The following DLG2 variants were observed in gnomAD, a reference collection of about 807,000 sequenced individuals.
The protein encoded by DLG2 is discs large MAGUK scaffold protein 2, also known as disks large homolog 2.
Under a neutral mutation model 132.5 loss-of-function variants are expected in DLG2, and 45 were observed. The observed-to-expected ratio is 0.34, with a 90% CI of 0.27 to 0.44. DLG2 has a LOEUF of 0.44. DLG2 is among the 20% of genes least tolerant of loss of function. The pLI, the probability that DLG2 is intolerant of heterozygous loss-of-function variation, is 1.00. For missense variants in DLG2, 1,045 were observed against 1,196.9 expected, an observed-to-expected ratio of 0.87 and a Z score of 1.87; for synonymous variants, 424 against 419.6, an observed-to-expected ratio of 1.01 and a Z score of -0.13.
At chr11:84,215,145 T>G (rs2096819518) in intron 8 of DLG2, among the ~76,000 whole-genome samples, 1 of 152,218 alleles carries the variant, frequency 6.6e-6, no homozygotes, top group Non-Finnish European at 1.5e-5. Context: ...AGCATGTACC[T>G]GTTTTAGTTG....
At chr11:84,538,774 C>A (rs748825595) in intron 6 of DLG2, among the ~76,000 whole-genome samples, 1 of 152,094 alleles carries the variant, frequency 6.6e-6, no homozygotes, top group South Asian at 2.1e-4. Flanking sequence ...AGGGAGTCAT[C>A]CAAGAGACCG....
At chr11:85,582,151 G>C (rs2078567223) in intron 3 of DLG2, among the ~76,000 whole-genome samples, 1 of 152,188 alleles carries the variant, frequency 6.6e-6, no homozygotes, top group Non-Finnish European at 1.5e-5. Context: ...AGTAATCACA[G>C]TAATGAACCA....
intron 11 of DLG2, among the ~76,000 whole-genome samples, chr11:83,999,234 G>A (rs2094205347): frequency 6.6e-6 from 1 of 152,066 alleles, no homozygotes; most frequent in Non-Finnish European, 1.5e-5. Context: ...CTCTGGGCCA[G>A]GGCCCAGCCC....
intron 19 of DLG2, among the ~76,000 whole-genome samples, chr11:83,601,510 C>CTTTTGTTTT (rs2058542221): frequency 1.1e-5 from 1 of 94,538 alleles, no homozygotes; most frequent in Non-Finnish European, 1.9e-5. Context: ...ATGTGATGTT[C>CTTTTGTTTT]TTTTTTTTTT....
chr11:84,564,339 T>C (rs1040677972), intron 6 of DLG2, among the ~76,000 whole-genome samples: 3 of 152,130 alleles, frequency 2.0e-5, no homozygotes, highest in Non-Finnish European at 4.4e-5. Flanking sequence ...CTGTGGAGAT[T>C]TGGATCAGAG....
chr11:83,860,500 C>T (rs1288789173), intron 16 of DLG2, among the ~76,000 whole-genome samples: 2 of 152,174 alleles, frequency 1.3e-5, no homozygotes, highest in Non-Finnish European at 2.9e-5. Flanking sequence ...TGGCCAATTT[C>T]TCCCATTGAG....
At chr11:84,097,286 G>A (rs1249846516) in intron 10 of DLG2, among the ~76,000 whole-genome samples, 1 of 152,072 alleles carries the variant, frequency 6.6e-6, no homozygotes, top group Non-Finnish European at 1.5e-5. Context: ...GAATCCTGCT[G>A]AGTCAGTTTA....
chr11:85,154,302 T>G (rs1480060922), intron 5 of DLG2, among the ~76,000 whole-genome samples: 1 of 152,174 alleles, frequency 6.6e-6, no homozygotes, highest in African/African-American at 2.4e-5. Flanking sequence ...ACAAAATGAC[T>G]GTGTGATAAC....
intron 6 of DLG2, among the ~76,000 whole-genome samples, chr11:84,805,420 T>C (rs1039127935): frequency 4.6e-5 from 7 of 152,006 alleles, no homozygotes; most frequent in Non-Finnish European, 8.8e-5. Context: ...AATGCTGATA[T>C]CGTTTAGATC....
At chr11:85,552,921 T>C (rs1295341892) in intron 3 of DLG2, among the ~76,000 whole-genome samples, 1 of 151,298 alleles carries the variant, frequency 6.6e-6, no homozygotes, top group East Asian at 1.9e-4. Context: ...AGGAAACAAA[T>C]CTCACGCAAA....
intron 7 of DLG2, among the ~76,000 whole-genome samples, chr11:84,418,146 A>G (rs1192460363): frequency 6.6e-6 from 1 of 152,296 alleles, no homozygotes; most frequent in Admixed American, 6.5e-5. Context: ...GAGTTTGCAT[A>G]TGGTGCTACC....
intron 3 of DLG2, among the ~76,000 whole-genome samples, chr11:85,490,731 A>C (rs1363375111): frequency 1.3e-5 from 2 of 151,932 alleles, no homozygotes; most frequent in African/African-American, 4.8e-5. Context: ...AAATCATACA[A>C]CCTCCCCAGA....
At position 84,878,670 on chromosome 11, in the gene DLG2, G is replaced by T. The variant is rs560658564; in HGVS notation, c.357+232991C>A. Among the ~76,000 whole-genome samples the T allele has an allele frequency of 1.2e-4, 18 of 152,062 alleles. 1 individual carries two copies. The highest frequency in any genetic ancestry group is 6.8e-3 in the Middle Eastern group (2 of 294). The stretch of plus-strand genomic sequence containing the variant: ...TTATACCTATGTAACAAAGCTGCAC[G>T]TTCTGCACATGTATACCAGAACTTA... On this transcript the variant is annotated intron_variant, in intron 6 of 27. Coordinates refer to ENST00000376104, the MANE Select transcript of DLG2 (RefSeq NM_001142699.3).
At chr11:84,600,170 A>AAGAG (rs1334295843) in intron 6 of DLG2, among the ~76,000 whole-genome samples, 1 of 118,484 alleles carries the variant, frequency 8.4e-6, no homozygotes, top group African/African-American at 3.7e-5. Context: ...GAAAGAAAGA[A>AAGAG]AGAAAGAAAG....
chr11:83,953,040 CAGTT>C (rs1362739457), intron 14 of DLG2, among the ~76,000 whole-genome samples: 6 of 152,052 alleles, frequency 3.9e-5, no homozygotes, highest in African/African-American at 1.4e-4. Context: ...TGTTTTTACA[CAGTT>C]ATAGTTTGCC....
At chr11:83,781,769 C>G (rs879565137) in intron 18 of DLG2, among the ~76,000 whole-genome samples, 12 of 152,152 alleles carry the variant, frequency 7.9e-5, no homozygotes, top group Admixed American at 1.3e-4. Flanking sequence ...TACTGCCTAC[C>G]TAGTTCTCCA....
intron 10 of DLG2, among the ~76,000 whole-genome samples, chr11:84,096,623 G>A (rs749047719): frequency 4.6e-5 from 7 of 152,072 alleles, no homozygotes; most frequent in South Asian, 2.1e-4. Context: ...ATTATGGCCC[G>A]CCATAATGAT....
chr11:83,817,094 T>C (rs1318315919), intron 17 of DLG2, among the ~76,000 whole-genome samples: 2 of 152,186 alleles, frequency 1.3e-5, no homozygotes, highest in East Asian at 1.9e-4. Context: ...ATATATTATA[T>C]GTCAGGTAAA....
At chr11:84,029,189 A>G (rs1444676694) in intron 11 of DLG2, among the ~76,000 whole-genome samples, 5 of 152,218 alleles carry the variant, frequency 3.3e-5, no homozygotes, top group South Asian at 4.1e-4. Context: ...CTATTTTCCT[A>G]TTGGAATTGT....
Sources: allele counts gnomAD v4.1 joint callset (sites outside exome capture counted in the v4.1 genomes callset), GRCh38; gene constraint gnomAD v4.1.1; transcripts MANE v1.5; gene names NCBI Gene and HGNC (gene_info 2026-07-23, HGNC 2026-07-21).